The following NEK1 variants were observed in gnomAD, a reference collection of about 807,000 sequenced individuals.
NEK1 encodes the protein serine/threonine-protein kinase Nek1.
Under a neutral mutation model 182.1 loss-of-function variants are expected in NEK1, and 137 were observed. That is an observed-to-expected ratio of 0.75 (90% CI 0.65 to 0.87). The LOEUF is 0.87. NEK1 is among the 40% of genes least tolerant of loss of function. NEK1 has a pLI of 0.00. For synonymous variants in NEK1, 513 were observed against 492.2 expected (o/e 1.04, Z -0.56); for missense variants, 1,391 against 1,494.4 (o/e 0.93, Z 1.14).
chr4:169,596,037 T>G (rs1023947984), intron 5 of NEK1, among the ~76,000 whole-genome samples: 12 of 151,762 alleles, frequency 7.9e-5, no homozygotes, highest in African/African-American at 2.9e-4. Flanking sequence ...AATGGTAAAG[T>G]CACTTTCTAG....
At chr4:169,481,255 G>A (rs1747947581) in intron 23 of NEK1, among the ~76,000 whole-genome samples, 1 of 152,022 alleles carries the variant, frequency 6.6e-6, no homozygotes, top group Non-Finnish European at 1.5e-5. Flanking sequence ...CCAAACTCCT[G>A]TTAATGTTGA....
chr4:169,415,004 C>T (rs372707059), intron 31 of NEK1, among the ~76,000 whole-genome samples: 3 of 152,256 alleles, frequency 2.0e-5, no homozygotes, highest in East Asian at 1.9e-4. Context: ...ATTGTATCAC[C>T]GCCTCATTGG....
rs367823675 is a variant in NEK1 at position 169,426,376 on chromosome 4, T to C, written c.2886-142A>G. 14 of 663,638 alleles carry C rather than the reference T, an allele frequency of 2.1e-5. 1 individual carries two copies. In the Middle Eastern group the frequency reaches 1.0e-3, roughly 47 times the overall value. 41.1% of individuals were successfully genotyped at this position (663,638 alleles called of 1,614,324 possible). A position where few individuals can be genotyped will look rare whatever the true frequency, so the allele number is the denominator to read the frequency against. On this transcript the variant is annotated intron_variant, in intron 29 of 35. Coordinates refer to ENST00000507142, the MANE Select transcript of NEK1 (RefSeq NM_001199397.3). ...CAAGTATTTTTCTCACTTTCATATA[T>C]ACTTTCTCACATAAGTACAATGTAT...
intron 31 of NEK1, among the ~76,000 whole-genome samples, chr4:169,415,968 G>A (rs1734479420): frequency 6.6e-6 from 1 of 152,130 alleles, no homozygotes; most frequent in Non-Finnish European, 1.5e-5. Context: ...AGAGGACAAG[G>A]GAGGACTTGG....
At chr4:169,574,771 T>G (rs1765437792) in intron 12 of NEK1, among the ~76,000 whole-genome samples, 1 of 151,978 alleles carries the variant, frequency 6.6e-6, no homozygotes, top group South Asian at 2.1e-4. Flanking sequence ...AGGGAAACAT[T>G]TCCTTCATCC....
chr4:169,540,410 A>G (rs1364107044), intron 18 of NEK1, among the ~76,000 whole-genome samples: 1 of 152,144 alleles, frequency 6.6e-6, no homozygotes, highest in African/African-American at 2.4e-5. Context: ...CATATGCATT[A>G]GTGTTTACTA....
chr4:169,606,507 A>G (rs1341662471), intron 2 of NEK1, among the ~76,000 whole-genome samples: 1 of 152,104 alleles, frequency 6.6e-6, no homozygotes, highest in Non-Finnish European at 1.5e-5. Context: ...AATTGGAAGT[A>G]CTGGGGCATC....
At chr4:169,526,333 T>G (rs1756893981) in intron 19 of NEK1, among the ~76,000 whole-genome samples, 1 of 152,002 alleles carries the variant, frequency 6.6e-6, no homozygotes, top group African/African-American at 2.4e-5. Context: ...ACAAAAAGAT[T>G]AAAAAATTAG....
chr4:169,526,062 C>T (rs1756849766), intron 19 of NEK1, among the ~76,000 whole-genome samples: 1 of 152,332 alleles, frequency 6.6e-6, no homozygotes, highest in African/African-American at 2.4e-5. Flanking sequence ...CACCTTCCCT[C>T]TGACACACAC....
rs769976795 is a variant in NEK1 at position 169,507,811 on chromosome 4, A to C, written c.1834-19T>G. On this transcript the variant is annotated intron_variant, in intron 21 of 35. Transcript: ENST00000507142. ...CTTCTTTCTACAAAATAAGTAGATA[A>C]GCAAATCACTTAGGATAGAATCATC... is the stretch of plus-strand genomic sequence containing the variant. 1.3e-5 allele frequency: 21 copies of C among 1,559,684 alleles called. No individual in the cohort carries two copies. In the East Asian group the frequency reaches 4.5e-4, roughly 33 times the overall value.
intron 23 of NEK1, among the ~76,000 whole-genome samples, chr4:169,486,270 T>C (rs1228693990): frequency 6.6e-6 from 1 of 152,176 alleles, no homozygotes; most frequent in Non-Finnish European, 1.5e-5. Context: ...TTTTCAATTA[T>C]CGCTGTAAAA....
chr4:169,477,052 TCAGAGTGG>T, intron 26 of NEK1, 64 bp downstream of exon 26: 1 of 995,168 alleles, frequency 1.0e-6, no homozygotes, highest in Admixed American at 3.1e-5. Flanking sequence ...TTCATTTTTT[TCAGAGTGG>T]TTAGTCTATA....
intron 2 of NEK1, among the ~76,000 whole-genome samples, chr4:169,607,662 A>C (rs1490067996): frequency 1.3e-5 from 2 of 151,880 alleles, no homozygotes; most frequent in Non-Finnish European, 2.9e-5. Flanking sequence ...ATGGGGTTTC[A>C]CCGTGTTAGC....
chr4:169,583,204 T>C (rs764773763), intron 10 of NEK1, among the ~76,000 whole-genome samples: 2 of 150,346 alleles, frequency 1.3e-5, no homozygotes, highest in African/African-American at 2.4e-5. Context: ...GAGGTGGAGG[T>C]TGCAGTGAGC....
At chr4:169,463,831 C>T (rs1744433591) in intron 26 of NEK1, among the ~76,000 whole-genome samples, 1 of 152,070 alleles carries the variant, frequency 6.6e-6, no homozygotes, top group African/African-American at 2.4e-5. Flanking sequence ...TAGAGTCTCA[C>T]TATGTTGCCC....
At chr4:169,455,043 T>A (rs1443228331) in intron 27 of NEK1, among the ~76,000 whole-genome samples, 1 of 152,108 alleles carries the variant, frequency 6.6e-6, no homozygotes, top group African/African-American at 2.4e-5. Context: ...TGGATGAAGC[T>A]GGAAACCATC....
chr4:169,464,518 A>G lies in NEK1; in HGVS notation c.2435-1123T>C, dbSNP rs537039367. ...TGTACCTTCACTTTGACTTTGACACATCACATGGGGTCAGATGTGGGGGTG... is the reference window on the plus strand; with the variant it reads ...TGTACCTTCACTTTGACTTTGACACGTCACATGGGGTCAGATGTGGGGGTG... On this transcript the variant is annotated intron_variant, in intron 26 of 35. Transcript: ENST00000507142. Among the ~76,000 whole-genome samples, 10 of 152,270 alleles carry G rather than the reference A, an allele frequency of 6.6e-5. No homozygotes were observed. In the South Asian group the frequency reaches 2.1e-3, roughly 32 times the overall value.
chr4:169,562,340 A>AT (rs1445455997), intron 12 of NEK1, 144 bp from the exon 13 acceptor site: 6 of 561,538 alleles, frequency 1.1e-5, no homozygotes, highest in Non-Finnish European at 1.8e-5. Flanking sequence ...CTTAAAAAAA[A>AT]AAATCGTAGT....
chr4:169,605,987 A>G (rs781493414), intron 2 of NEK1, among the ~76,000 whole-genome samples: 12 of 152,132 alleles, frequency 7.9e-5, no homozygotes, highest in Non-Finnish European at 1.0e-4. Context: ...TGTGGACTTC[A>G]GTTTCTTTAT....
Sources: gnomAD v4.1 joint callset for allele counts (sites outside exome capture counted in the v4.1 genomes callset) on GRCh38, gnomAD v4.1.1 for gene constraint, MANE v1.5 for transcripts, NCBI Gene and HGNC (gene_info 2026-07-23, HGNC 2026-07-21) for gene names.